CALN1: variants seen among roughly 807,000 people sequenced by gnomAD.
CALN1 encodes calcium-binding protein 8.
A neutral mutation model predicts 30.6 loss-of-function variants in CALN1; 17 were observed. The ratio of observed to expected loss-of-function variants is 0.56; its 90% CI spans 0.38 to 0.83. The LOEUF (loss-of-function observed/expected upper bound fraction) is 0.83. Among genes scored for constraint, CALN1 ranks in the 40% least tolerant of loss-of-function variants. CALN1 has a pLI of 0.00. For synonymous variants in CALN1, 156 were observed against 131.4 expected (o/e 1.19, Z -1.28); for missense variants, 291 against 354.9 (o/e 0.82, Z 1.45).
chr7:72,230,993 C>T (rs1290248109), intron 3 of CALN1, among the ~76,000 whole-genome samples: 2 of 152,132 alleles, frequency 1.3e-5, no homozygotes, highest in Non-Finnish European at 2.9e-5. Flanking sequence ...TTATACCATC[C>T]CAAACTGCCC....
At chr7:72,199,359 A>T (rs1199040820) in intron 3 of CALN1, among the ~76,000 whole-genome samples, 1 of 152,200 alleles carries the variant, frequency 6.6e-6, no homozygotes, top group Non-Finnish European at 1.5e-5. Flanking sequence ...ATCCAAAAAT[A>T]CAGAACCTCA....
At chr7:71,990,611 C>T (rs1798897092) in intron 5 of CALN1, among the ~76,000 whole-genome samples, 1 of 152,040 alleles carries the variant, frequency 6.6e-6, no homozygotes, top group Non-Finnish European at 1.5e-5. Flanking sequence ...CATCACCACG[C>T]CCGGCTAAGT....
At chr7:72,025,953 C>T (rs561151959) in intron 4 of CALN1, among the ~76,000 whole-genome samples, 15 of 152,102 alleles carry the variant, frequency 9.9e-5, no homozygotes, top group South Asian at 2.1e-4. Context: ...ATTAGGGAGG[C>T]GTGGCAAGTC....
At chr7:72,259,067 C>T (rs1489551032) in intron 3 of CALN1, among the ~76,000 whole-genome samples, 4 of 150,608 alleles carry the variant, frequency 2.7e-5, no homozygotes, top group Admixed American at 6.6e-5. Flanking sequence ...GGCGACAGAG[C>T]GAGACTCCAT....
intron 4 of CALN1, among the ~76,000 whole-genome samples, chr7:72,099,846 C>G (rs773556582): frequency 6.6e-6 from 1 of 152,152 alleles, no homozygotes; most frequent in African/African-American, 2.4e-5. Context: ...GTTAAAGGAA[C>G]AAATAGAAAT....
chr7:72,294,051 C>G (rs1798676229), intron 2 of CALN1, among the ~76,000 whole-genome samples: 1 of 152,096 alleles, frequency 6.6e-6, no homozygotes, highest in East Asian at 1.9e-4. Context: ...TGAGCCGAGA[C>G]CACACCACTG....
At chr7:71,861,965 G>A (rs942305536) in intron 5 of CALN1, among the ~76,000 whole-genome samples, 1 of 152,194 alleles carries the variant, frequency 6.6e-6, no homozygotes, top group Non-Finnish European at 1.5e-5. Flanking sequence ...ACAGGCAGAA[G>A]CAGGGAATGG....
chr7:72,257,575 G>A (rs980527251), intron 3 of CALN1, among the ~76,000 whole-genome samples: 1 of 152,124 alleles, frequency 6.6e-6, no homozygotes, highest in Non-Finnish European at 1.5e-5. Context: ...AGAACTAAAA[G>A]TAGATCTACC....
chr7:72,422,765 A>C (rs1193115605), intron 1 of CALN1, among the ~76,000 whole-genome samples: 1 of 152,006 alleles, frequency 6.6e-6, no homozygotes, highest in Non-Finnish European at 1.5e-5. Context: ...TCTTGGCTTT[A>C]TCTCTTACAT....
At chr7:71,825,960 G>A (rs1788885713) in intron 5 of CALN1, among the ~76,000 whole-genome samples, 1 of 149,676 alleles carries the variant, frequency 6.7e-6, no homozygotes, top group African/African-American at 2.5e-5. Context: ...TTGAACCTGG[G>A]TGGTGGAGGT....
intron 4 of CALN1, among the ~76,000 whole-genome samples, chr7:72,034,366 A>G (rs990615884): frequency 7.3e-5 from 11 of 150,874 alleles, no homozygotes; most frequent in East Asian, 3.9e-4. Context: ...AAAAAAAAAA[A>G]AAAAGAAAAG....
chr7:72,313,721 A>G (rs1307241790), intron 2 of CALN1, among the ~76,000 whole-genome samples: 1 of 152,042 alleles, frequency 6.6e-6, no homozygotes, highest in African/African-American at 2.4e-5. Flanking sequence ...TAATGATGGG[A>G]CTATATATGA....
chr7:71,895,594 G>C (rs1032079997), intron 5 of CALN1, among the ~76,000 whole-genome samples: 1 of 152,120 alleles, frequency 6.6e-6, no homozygotes, highest in Non-Finnish European at 1.5e-5. Context: ...CTCTTTTATG[G>C]GGTCTAAATT....
chr7:72,161,072 C>T (rs1002743298), intron 3 of CALN1, among the ~76,000 whole-genome samples: 1 of 152,178 alleles, frequency 6.6e-6, no homozygotes, highest in African/African-American at 2.4e-5. Context: ...GAGCTGGGTC[C>T]CTCCATGTCC....
intron 4 of CALN1, among the ~76,000 whole-genome samples, chr7:72,032,299 GC>G (rs1482279068): frequency 1.3e-5 from 2 of 150,578 alleles, no homozygotes; most frequent in Non-Finnish European, 3.0e-5. Flanking sequence ...GCCCGCCTTG[GC>G]CTCCCAAAGT....
At chr7:72,441,912 C>A (rs1400891271) in intron 1 of CALN1, among the ~76,000 whole-genome samples, 3 of 152,052 alleles carry the variant, frequency 2.0e-5, no homozygotes, top group Non-Finnish European at 4.4e-5. Flanking sequence ...CCCAGGACTG[C>A]CCACTCAACA....
chr7:72,161,607 T>A lies in CALN1; in HGVS notation c.245-55313A>T, dbSNP rs543464227. 3.3e-5 allele frequency among the ~76,000 whole-genome samples: 5 copies of A among 152,334 alleles called. No homozygotes were observed. In the East Asian group the frequency reaches 9.6e-4, roughly 29 times the overall value. ...AAACAGACCCTAAAATGTGGAACTC[T>A]CTGCCTGAAGGAGGTAGAATGCTGG... On this transcript the variant is annotated intron_variant, in intron 3 of 6. Coordinates refer to ENST00000395275, the MANE Select transcript of CALN1 (RefSeq NM_031468.4).
intron 3 of CALN1, among the ~76,000 whole-genome samples, chr7:72,134,067 G>A (rs1487850891): frequency 2.6e-5 from 4 of 152,172 alleles, no homozygotes; most frequent in African/African-American, 9.7e-5. Context: ...CCTCTTGAAT[G>A]GATTAGTGCC....
At chr7:71,948,639 G>A (rs2129523749) in intron 5 of CALN1, among the ~76,000 whole-genome samples, 1 of 151,536 alleles carries the variant, frequency 6.6e-6, no homozygotes, top group South Asian at 2.1e-4. Flanking sequence ...GCTGAGGCAT[G>A]AGAATCGCTT....
Sources: allele counts gnomAD v4.1 joint callset (sites outside exome capture counted in the v4.1 genomes callset), GRCh38; gene constraint gnomAD v4.1.1; transcripts MANE v1.5; gene names NCBI Gene and HGNC (gene_info 2026-07-23, HGNC 2026-07-21).